The following SEC24D variants were observed in gnomAD, a reference collection of about 807,000 sequenced individuals.
SEC24D encodes the protein SEC24 homolog D, COPII component.
Under a neutral mutation model 116.9 loss-of-function variants are expected in SEC24D, and 69 were observed. The ratio of observed to expected loss-of-function variants is 0.59; its 90% confidence interval spans 0.49 to 0.72. The LOEUF (loss-of-function observed/expected upper bound fraction) is 0.72, where lower values mean the gene tolerates loss of function less well. Ranked by LOEUF, SEC24D falls within the 30% of genes least tolerant of loss-of-function variation. The pLI is 0.00. For synonymous variants in SEC24D, 405 were observed against 442.8 expected (o/e 0.91, Z 1.07); for missense variants, 1,131 against 1,264.1 (o/e 0.89, Z 1.60).
intron 8 of SEC24D, among the ~76,000 whole-genome samples, chr4:118,776,101 A>G (rs1167340640): frequency 6.7e-6 from 1 of 149,144 alleles, no homozygotes; most frequent in African/African-American, 2.5e-5. Context: ...GGAGGGGAAA[A>G]CTGAAGGAAG....
chr4:118,808,439 C>T (rs1242886491), intron 6 of SEC24D, among the ~76,000 whole-genome samples: 3 of 152,106 alleles, frequency 2.0e-5, no homozygotes, highest in Non-Finnish European at 2.9e-5. Context: ...TATCCATTTG[C>T]AATTTACAAA....
intron 3 of SEC24D, among the ~76,000 whole-genome samples, chr4:118,822,401 C>G (rs1730435581): frequency 6.6e-6 from 1 of 152,170 alleles, no homozygotes; most frequent in South Asian, 2.1e-4. Flanking sequence ...CCATGGTTTA[C>G]TCACTCCTAA....
At chr4:118,776,118 G>A (rs1170992960) in intron 8 of SEC24D, among the ~76,000 whole-genome samples, 1 of 151,876 alleles carries the variant, frequency 6.6e-6, no homozygotes, top group Non-Finnish European at 1.5e-5. Context: ...GAAGGGAAGG[G>A]GAGGGGAGAG....
intron 10 of SEC24D, among the ~76,000 whole-genome samples, chr4:118,759,923 A>C (rs982890316): frequency 6.6e-6 from 1 of 152,120 alleles, no homozygotes; most frequent in Non-Finnish European, 1.5e-5. Flanking sequence ...AGCACCTTAG[A>C]CTCAAAATTT....
At chr4:118,814,967 T>C (rs1578467304) in intron 6 of SEC24D, 61 bp downstream of exon 6, 3 of 1,562,094 alleles carry the variant, frequency 1.9e-6, no homozygotes, top group South Asian at 1.1e-5. Flanking sequence ...AACTGATGAG[T>C]TGCTGAGAAA....
chr4:118,756,050 A>G (rs886353745), intron 11 of SEC24D, among the ~76,000 whole-genome samples: 3 of 152,150 alleles, frequency 2.0e-5, no homozygotes, highest in African/African-American at 7.2e-5. Context: ...TTGATAAGGA[A>G]CAAGGGACTG....
Position 118,768,291 on chromosome 4 carries a change from A to G in SEC24D, c.1062T>C (p.Asn354=). ...ATCTGACTGGTCCACTCTCGCCGTG[A>G]TTTACCAAGTAAAGGGGACTCTATG... The part of the protein sequence containing the change: ...PSNESPLYLV[N]HGESGPVRCN... The change falls in exon 9 of 23, where the codon AAT becomes AAC. Residue 354 remains asparagine, a synonymous_variant. Transcript: ENST00000280551. 6.2e-7 allele frequency: 1 copy of G among 1,613,346 alleles called. No individual in the cohort carries two copies.
intron 7 of SEC24D, among the ~76,000 whole-genome samples, chr4:118,804,474 A>G (rs777242815): frequency 6.6e-6 from 1 of 151,912 alleles, no homozygotes; most frequent in Non-Finnish European, 1.5e-5. Context: ...AAAAGCCCCA[A>G]TATTGTTTTA....
intron 10 of SEC24D, among the ~76,000 whole-genome samples, chr4:118,762,071 A>C (rs1727410333): frequency 6.6e-6 from 1 of 152,296 alleles, no homozygotes; most frequent in Non-Finnish European, 1.5e-5. Flanking sequence ...AAGTGAATTA[A>C]AATTAAGTGA....
intron 7 of SEC24D, 27 bp from the exon 8 acceptor site, chr4:118,797,837 A>C: frequency 3.9e-6 from 6 of 1,536,552 alleles, no homozygotes; most frequent in Non-Finnish European, 5.3e-6. Flanking sequence ...GATACACTTA[A>C]AACTTGTTTA....
At chr4:118,795,036 G>A (rs1729112208) in intron 8 of SEC24D, among the ~76,000 whole-genome samples, 1 of 151,974 alleles carries the variant, frequency 6.6e-6, no homozygotes, top group Non-Finnish European at 1.5e-5. Context: ...AGGGCTACAT[G>A]AAAGGGGAGG....
chr4:118,793,446 G>A (rs940617268), intron 8 of SEC24D, among the ~76,000 whole-genome samples: 3 of 124,250 alleles, frequency 2.4e-5, no homozygotes, highest in East Asian at 2.4e-4. Flanking sequence ...CAGCCTGGGC[G>A]ACAGAGCGAG....
At chr4:118,740,003 C>G (rs1029392082) in intron 17 of SEC24D, among the ~76,000 whole-genome samples, 2 of 152,130 alleles carry the variant, frequency 1.3e-5, no homozygotes, top group African/African-American at 2.4e-5. Context: ...TCCTAACCCC[C>G]TAGTACCTAA....
intron 19 of SEC24D, among the ~76,000 whole-genome samples, chr4:118,735,365 C>G (rs1046770503): frequency 1.3e-5 from 2 of 152,056 alleles, no homozygotes; most frequent in Non-Finnish European, 2.9e-5. Context: ...CCCGACTGAC[C>G]CCCTCCATAA....
chr4:118,784,030 T>C (rs1472999608), intron 8 of SEC24D, among the ~76,000 whole-genome samples: 3 of 152,168 alleles, frequency 2.0e-5, no homozygotes, highest in Non-Finnish European at 4.4e-5. Context: ...TGGCGAAACC[T>C]TGTCTCTATT....
chr4:118,731,178 C>G lies in SEC24D; in HGVS notation c.2868+138G>C, dbSNP rs138201264. 3.6e-4 allele frequency: 264 copies of G among 724,752 alleles called. 2 individuals are homozygous for G. In the East Asian group the frequency reaches 6.0e-3, roughly 16 times the overall value. 44.9% of individuals were successfully genotyped at this position (724,752 alleles called of 1,614,324 possible). A position where few individuals can be genotyped will look rare whatever the true frequency, so the allele number is the denominator to read the frequency against. On this transcript the variant is annotated intron_variant, in intron 21 of 22. Coordinates refer to ENST00000280551, the MANE Select transcript of SEC24D (RefSeq NM_014822.4). ...ACCAGCTAATTGATATTGATCAAAA[C>G]ATGAAATTATTTCTTTCATATACAG...
chr4:118,791,936 C>T (rs1212592888), intron 8 of SEC24D, among the ~76,000 whole-genome samples: 1 of 152,134 alleles, frequency 6.6e-6, no homozygotes, highest in Admixed American at 6.5e-5. Context: ...AGCCTCTGCC[C>T]GACCGCCACC....
rs768785944 is a variant in SEC24D, at chr4:118,744,053, C to T, written c.1930G>A (p.Val644Met). 1.2e-5 allele frequency: 19 copies of T among 1,613,400 alleles called. No individual in the cohort carries two copies. Among genetic ancestry groups the T allele is most frequent in the Middle Eastern group, 1.6e-4 (1 of 6,078 alleles). ...LFLFPSQYVDVASLGLVPQLT... is the reference protein window; with the variant it reads ...LFLFPSQYVDMASLGLVPQLT... ...TGAGGAACCAGCCCCAGCGAGGCCA[C>T]GTCCACATACTGACTAGGAAAGAGG... Residue 644 changes from valine to methionine, a missense_variant, in exon 15 of 23, where the codon GTG becomes ATG. By Grantham distance (21) the Val-to-Met change is conservative (BLOSUM62 1). Transcript: ENST00000280551.
intron 8 of SEC24D, among the ~76,000 whole-genome samples, chr4:118,789,577 A>G (rs1728802155): frequency 6.6e-6 from 1 of 152,104 alleles, no homozygotes; most frequent in Non-Finnish European, 1.5e-5. Flanking sequence ...AGCATGTATT[A>G]TTTATTTATT....
Sources: allele counts gnomAD v4.1 joint callset (sites outside exome capture counted in the v4.1 genomes callset), GRCh38; gene constraint gnomAD v4.1.1; transcripts MANE v1.5; gene names NCBI Gene and HGNC (gene_info 2026-07-23, HGNC 2026-07-21).